DPP6: variants seen among roughly 807,000 people sequenced by gnomAD.
DPP6 encodes A-type potassium channel modulatory protein DPP6.
DPP6 carries 69 observed loss-of-function variants against 122.6 expected under a neutral mutation model. The observed-to-expected ratio is 0.56, with a 90% CI of 0.46 to 0.69. The LOEUF (loss-of-function observed/expected upper bound fraction) is 0.69. DPP6 is among the 30% of genes least tolerant of loss of function. The pLI is 0.00. For missense variants in DPP6, 928 were observed against 1,116.9 expected, an observed-to-expected ratio of 0.83 and a Z score of 2.41; for synonymous variants, 418 against 433.1, an observed-to-expected ratio of 0.97 and a Z score of 0.43.
intron 1 of DPP6, among the ~76,000 whole-genome samples, chr7:154,346,675 T>G (rs977780441): frequency 1.3e-5 from 2 of 152,038 alleles, no homozygotes; most frequent in African/African-American, 2.4e-5. Flanking sequence ...TACAGTGGAG[T>G]CACTTTGCCA....
At chr7:154,509,638 A>G (rs1825909885) in intron 3 of DPP6, among the ~76,000 whole-genome samples, 1 of 152,240 alleles carries the variant, frequency 6.6e-6, no homozygotes, top group Non-Finnish European at 1.5e-5. Context: ...TATACCCAAG[A>G]AAAATGAAAA....
intron 18 of DPP6, among the ~76,000 whole-genome samples, chr7:154,870,735 T>C (rs1268792794): frequency 6.7e-6 from 1 of 148,870 alleles, no homozygotes; most frequent in Non-Finnish European, 1.5e-5. Context: ...GGCCGAGGCA[T>C]GCGGATCACT....
the DPP6 span, among the ~76,000 whole-genome samples, chr7:153,768,946 A>G: frequency 1.3e-5 from 2 of 152,224 alleles, no homozygotes; most frequent in Non-Finnish European, 2.9e-5. Context: ...GTGAAAAGGA[A>G]GTAAATTAAT....
intron 5 of DPP6, among the ~76,000 whole-genome samples, chr7:154,582,335 T>C (rs1024681482): frequency 1.3e-5 from 2 of 152,226 alleles, no homozygotes; most frequent in Admixed American, 6.5e-5. Flanking sequence ...AAAGAACATA[T>C]AGGGACAGAA....
intron 1 of DPP6, among the ~76,000 whole-genome samples, chr7:154,027,735 G>A (rs528985235): frequency 6.6e-6 from 1 of 151,792 alleles, no homozygotes; most frequent in South Asian, 2.1e-4. Context: ...CTCCCTGCTT[G>A]TTCTCGCTCA....
intron 1 of DPP6, among the ~76,000 whole-genome samples, chr7:154,196,866 G>A (rs1474452979): frequency 6.6e-6 from 1 of 152,046 alleles, no homozygotes; most frequent in Non-Finnish European, 1.5e-5. Context: ...TTCCCCATGG[G>A]ATACTCTCCT....
intron 16 of DPP6, among the ~76,000 whole-genome samples, chr7:154,837,274 C>T (rs372140805): frequency 1.1e-4 from 17 of 151,238 alleles, no homozygotes; most frequent in East Asian, 2.0e-4. Flanking sequence ...CACATGCACA[C>T]GCATGCAGGC....
intron 5 of DPP6, among the ~76,000 whole-genome samples, chr7:154,574,815 GTGTT>G (rs1474602460): frequency 2.6e-5 from 3 of 115,164 alleles, no homozygotes; most frequent in Admixed American, 1.9e-4. Context: ...TGTGTGTGAT[GTGTT>G]TGTGTGGTGT....
intron 1 of DPP6, among the ~76,000 whole-genome samples, chr7:153,910,856 A>T (rs1800059930): frequency 1.3e-5 from 2 of 152,082 alleles, no homozygotes; most frequent in Admixed American, 6.5e-5. Flanking sequence ...CAGATGCATC[A>T]CATCTGACCA....
At chr7:154,351,874 G>A (rs1810887087) in intron 1 of DPP6, among the ~76,000 whole-genome samples, 1 of 152,110 alleles carries the variant, frequency 6.6e-6, no homozygotes, top group Non-Finnish European at 1.5e-5. Context: ...TGGCACCTCT[G>A]CTCCCCTGGG....
chr7:153,767,534 AT>A, the DPP6 span, among the ~76,000 whole-genome samples: 579 of 137,612 alleles, frequency 4.2e-3, 6 homozygotes, highest in African/African-American at 0.014. Context: ...CACCCGGTTA[AT>A]TTTTTTTTTT....
At chr7:153,868,521 A>T in the DPP6 span, among the ~76,000 whole-genome samples, 233 of 151,768 alleles carry the variant, frequency 1.5e-3, 1 homozygote, top group African/African-American at 5.2e-3. Context: ...TTTTTATTGC[A>T]TCTATTTGAT....
chr7:154,187,764 T>C (rs1292871321), intron 1 of DPP6, among the ~76,000 whole-genome samples: 1 of 152,086 alleles, frequency 6.6e-6, no homozygotes, highest in Non-Finnish European at 1.5e-5. Flanking sequence ...ACCTGTAAAA[T>C]TGGGGAAGAG....
chr7:154,737,694 T>G (rs569626601), intron 8 of DPP6, among the ~76,000 whole-genome samples: 2 of 152,302 alleles, frequency 1.3e-5, no homozygotes, highest in South Asian at 4.1e-4. Flanking sequence ...TTGCATTAAT[T>G]TCTTGCCTAT....
chr7:154,007,977 A>G (rs1797984942), intron 1 of DPP6, among the ~76,000 whole-genome samples: 1 of 152,226 alleles, frequency 6.6e-6, no homozygotes, highest in East Asian at 1.9e-4. Flanking sequence ...GCGAGATGCA[A>G]CGGAGTGTGG....
chr7:154,781,036 G>A (rs1796995233), intron 10 of DPP6, among the ~76,000 whole-genome samples: 1 of 152,060 alleles, frequency 6.6e-6, no homozygotes, highest in Non-Finnish European at 1.5e-5. Context: ...ATAGATGGAT[G>A]ATGAATATAT....
chr7:154,837,863 A>G lies in DPP6; in HGVS notation c.1667-15917A>G, dbSNP rs1364560491. 2.0e-5 allele frequency among the ~76,000 whole-genome samples: 3 copies of G among 152,220 alleles called. No individual in the cohort carries two copies. In the East Asian group the frequency reaches 5.8e-4, roughly 29 times the overall value. ...ATTGGTGAGGTTTTCTAGAACAATG[A>G]TTAGCCAAGACCCAACATCTGTGTT... On this transcript the variant is annotated intron_variant, in intron 16 of 25. Coordinates refer to ENST00000377770, the MANE Select transcript of DPP6 (RefSeq NM_130797.4).
intron 1 of DPP6, among the ~76,000 whole-genome samples, chr7:154,101,014 T>A (rs190801387): frequency 8.2e-6 from 1 of 122,416 alleles, no homozygotes; most frequent in African/African-American, 2.7e-5. Context: ...CTGACGGAGC[T>A]GTGGTTGGTC....
chr7:154,465,774 T>C (rs1821728393), intron 2 of DPP6, among the ~76,000 whole-genome samples: 3 of 152,194 alleles, frequency 2.0e-5, no homozygotes, highest in Admixed American at 2.0e-4. Flanking sequence ...GTAAATGAGT[T>C]CAACCATTAT....
Sources: allele counts gnomAD v4.1 joint callset (sites outside exome capture counted in the v4.1 genomes callset), GRCh38; gene constraint gnomAD v4.1.1; transcripts MANE v1.5; gene names NCBI Gene and HGNC (gene_info 2026-07-23, HGNC 2026-07-21).